RGS7: variants seen among roughly 807,000 people sequenced by gnomAD.
The protein encoded by RGS7 is regulator of G protein signaling 7.
In RGS7, 27 loss-of-function variants were observed where a neutral mutation model predicts 81.1. The ratio of observed to expected loss-of-function variants is 0.33; its 90% CI spans 0.25 to 0.46. RGS7 has a LOEUF of 0.46. RGS7 is among the 20% of genes least tolerant of loss of function. The pLI, the probability that RGS7 is intolerant of heterozygous loss-of-function variation, is 1.00. For missense variants in RGS7, 396 were observed against 607.4 expected (o/e 0.65, Z 3.66); for synonymous variants, 208 against 207.7 (o/e 1.00, Z -0.01).
chr1:241,129,776 C>G (rs2066945855), intron 2 of RGS7, among the ~76,000 whole-genome samples: 1 of 152,182 alleles, frequency 6.6e-6, no homozygotes, highest in East Asian at 1.9e-4. Context: ...TTCCAAAAAA[C>G]TTCCAGGTGT....
chr1:240,851,201 C>A (rs1356903376), intron 9 of RGS7, among the ~76,000 whole-genome samples: 1 of 152,172 alleles, frequency 6.6e-6, no homozygotes, highest in Admixed American at 6.5e-5. Flanking sequence ...GGTAATGATG[C>A]TGGTGATTGT....
intron 6 of RGS7, among the ~76,000 whole-genome samples, chr1:240,885,198 G>A (rs1667145562): frequency 6.6e-6 from 1 of 152,016 alleles, no homozygotes; most frequent in Non-Finnish European, 1.5e-5. Flanking sequence ...AAACCACAAT[G>A]ACATACCATC....
chr1:241,154,942 A>G (rs1199462825), intron 2 of RGS7, among the ~76,000 whole-genome samples: 1 of 152,216 alleles, frequency 6.6e-6, no homozygotes, highest in Non-Finnish European at 1.5e-5. Flanking sequence ...TTAAAAAAAG[A>G]ATGTCACGCA....
intron 2 of RGS7, among the ~76,000 whole-genome samples, chr1:241,213,603 C>T (rs1388296612): frequency 1.3e-5 from 2 of 151,888 alleles, no homozygotes; most frequent in Non-Finnish European, 2.9e-5. Flanking sequence ...TAACATTAGA[C>T]CACTTGATAT....
intron 3 of RGS7, among the ~76,000 whole-genome samples, chr1:241,053,865 T>C (rs1201030216): frequency 6.6e-6 from 1 of 152,234 alleles, no homozygotes; most frequent in Non-Finnish European, 1.5e-5. Context: ...CATTCTTTCT[T>C]GTCCGCTACC....
chr1:240,811,323 T>C (rs557424910), intron 14 of RGS7, among the ~76,000 whole-genome samples: 8 of 152,366 alleles, frequency 5.3e-5, no homozygotes, highest in East Asian at 3.9e-4. Flanking sequence ...ATCCTCCTTA[T>C]GTTAGCAAGT....
intron 18 of RGS7, among the ~76,000 whole-genome samples, chr1:240,776,449 C>T (rs1682953616): frequency 6.9e-6 from 1 of 144,724 alleles, no homozygotes. Flanking sequence ...CCTCCCAAAT[C>T]CTTCCTCCCC....
rs1278795392 is a variant in RGS7, at chr1:241,164,812, A to G, written c.79-66050T>C. 6.6e-6 allele frequency among the ~76,000 whole-genome samples: 1 copy of G among 151,658 alleles called. No individual in the cohort carries two copies. Among genetic ancestry groups the G allele is most frequent in the Non-Finnish European group, 1.5e-5 (1 of 67,680 alleles). ...GTACTTCAGATCAATACATTCTAAT[A>G]CCGAGGCAACTTTTTTCTCAGTAAT... On this transcript the variant is annotated intron_variant, in intron 2 of 18. Transcript: ENST00000440928. The surrounding 1 kb of genome is among the most constrained non-coding windows in gnomAD (Gnocchi z 4.1).
intron 3 of RGS7, among the ~76,000 whole-genome samples, chr1:240,993,105 G>A (rs1284653012): frequency 8.5e-6 from 1 of 118,090 alleles, no homozygotes. Flanking sequence ...GAGGGAGGGA[G>A]GGAGGGAGGG....
At chr1:241,123,002 A>G (rs544574479) in intron 2 of RGS7, among the ~76,000 whole-genome samples, 2 of 152,336 alleles carry the variant, frequency 1.3e-5, no homozygotes, top group African/African-American at 4.8e-5. Context: ...TGTCAGACAC[A>G]TGAATAAATG....
At chr1:241,342,370 A>C (rs1486466552) in intron 2 of RGS7, among the ~76,000 whole-genome samples, 2 of 152,178 alleles carry the variant, frequency 1.3e-5, no homozygotes, top group Non-Finnish European at 2.9e-5. Flanking sequence ...GTCCAGTGGA[A>C]TGAAGGAGAT....
intron 2 of RGS7, among the ~76,000 whole-genome samples, chr1:241,149,268 G>C (rs1226889179): frequency 1.3e-5 from 2 of 151,984 alleles, no homozygotes; most frequent in Non-Finnish European, 2.9e-5. Flanking sequence ...TCAGGTTCAG[G>C]TGATTCTCCT....
chr1:240,907,446 T>C (rs1671005285), intron 6 of RGS7, among the ~76,000 whole-genome samples: 1 of 150,842 alleles, frequency 6.6e-6, no homozygotes, highest in Admixed American at 6.6e-5. Flanking sequence ...AGAAATAAAA[T>C]ACTAAATACT....
intron 6 of RGS7, among the ~76,000 whole-genome samples, chr1:240,877,955 T>G (rs962753896): frequency 7.2e-5 from 11 of 152,180 alleles, no homozygotes. Flanking sequence ...AGATAGTCAG[T>G]GTACTCAAAA....
intron 2 of RGS7, among the ~76,000 whole-genome samples, chr1:241,352,210 C>T: frequency 6.6e-6 from 1 of 152,210 alleles, no homozygotes; most frequent in Admixed American, 6.5e-5. Flanking sequence ...GACTTGTCAC[C>T]TCTACAGATT....
At chr1:240,848,985 CA>C (rs1659600655) in intron 9 of RGS7, among the ~76,000 whole-genome samples, 1 of 152,070 alleles carries the variant, frequency 6.6e-6, no homozygotes, top group Non-Finnish European at 1.5e-5. Flanking sequence ...GTGATATCTC[CA>C]ACCCAGATGA....
intron 9 of RGS7, among the ~76,000 whole-genome samples, chr1:240,860,952 A>C (rs1244198031): frequency 1.3e-5 from 2 of 152,142 alleles, no homozygotes; most frequent in Non-Finnish European, 2.9e-5. Context: ...CCCTTAGCAA[A>C]ATCCTTTGTA....
At chr1:241,267,036 A>G (rs1046357804) in intron 2 of RGS7, among the ~76,000 whole-genome samples, 2 of 152,312 alleles carry the variant, frequency 1.3e-5, no homozygotes. Flanking sequence ...TCCGGAAATC[A>G]TTCAGATTCA....
intron 4 of RGS7, among the ~76,000 whole-genome samples, chr1:240,969,957 T>A (rs1004454655): frequency 4.6e-5 from 7 of 152,354 alleles, no homozygotes; most frequent in Middle Eastern, 6.8e-3. Flanking sequence ...CTTACATTTT[T>A]AAATATTTCT....
Sources: allele counts gnomAD v4.1 joint callset (sites outside exome capture counted in the v4.1 genomes callset), GRCh38; gene constraint gnomAD v4.1.1; non-coding constraint Gnocchi (gnomAD v3.1); transcripts MANE v1.5; gene names NCBI Gene and HGNC (gene_info 2026-07-23, HGNC 2026-07-21).